Variants in ZNF441 observed in about 807,000 individuals in gnomAD.
ZNF441 encodes the protein zinc finger protein 441.
Under a neutral mutation model 64.5 loss-of-function variants are expected in ZNF441, and 25 were observed. The observed-to-expected ratio is 0.39, with a 90% confidence interval of 0.28 to 0.54. The LOEUF is 0.54. Among genes scored for constraint, ZNF441 ranks in the 20% least tolerant of loss-of-function variants. ZNF441 has a pLI of 0.70. For synonymous variants in ZNF441, 262 were observed against 268.0 expected, an observed-to-expected ratio of 0.98 and a Z score of 0.22; for missense variants, 715 against 843.3, an observed-to-expected ratio of 0.85 and a Z score of 1.88.
At chr19:11,779,924 AAAAG>A (rs1176698404) in intron 3 of ZNF441, 91 bp from the exon 4 acceptor site, 17 of 1,161,362 alleles carry the variant, frequency 1.5e-5, no homozygotes, top group African/African-American at 3.1e-5. Flanking sequence ...AAAAAAAAAG[AAAAG>A]AAAGAAAGAA....
chr19:11,769,050 G>A (rs1975293036), intron 1 of ZNF441, among the ~76,000 whole-genome samples: 1 of 152,160 alleles, frequency 6.6e-6, no homozygotes, highest in South Asian at 2.1e-4. Context: ...GACACACTCT[G>A]CACCCATAGG....
intron 1 of ZNF441, among the ~76,000 whole-genome samples, chr19:11,770,045 T>C (rs1358928817): frequency 6.6e-6 from 1 of 152,136 alleles, no homozygotes; most frequent in Non-Finnish European, 1.5e-5. Flanking sequence ...ATGTCTGTAA[T>C]GTCTGTCTAG....
rs764005247 is a variant in ZNF441, at chr19:11,780,675, A to G, written c.851A>G (p.Gln284Arg). 5.0e-6 allele frequency: 8 copies of G among 1,614,180 alleles called. No individual in the cohort carries two copies. The Admixed American group carries it at 5.0e-5, about 10-fold the overall frequency. ...GGAGAACAATCCTATGAATGTAAGC[A>G]ATGTGGGAAAGCATTTTATCATCTT... The part of the protein sequence containing the change: ...HTGEQSYECK[Q>R]CGKAFYHLGS... The change falls in exon 4 of 4, where the codon CAA (glutamine) becomes CGA (arginine). Residue 284 changes from glutamine to arginine, a missense_variant. Gln to Arg is a conservative substitution (Grantham distance 43). Coordinates refer to ENST00000357901, the MANE Select transcript of ZNF441 (RefSeq NM_152355.3).
chr19:11,768,534 A>G (rs900938722), intron 1 of ZNF441, among the ~76,000 whole-genome samples: 6 of 152,148 alleles, frequency 3.9e-5, no homozygotes, highest in Admixed American at 2.0e-4. Flanking sequence ...CCCATCCTCT[A>G]TGGTTTCCTG....
intron 1 of ZNF441, among the ~76,000 whole-genome samples, chr19:11,774,843 T>G (rs1212675800): frequency 6.6e-6 from 1 of 152,232 alleles, no homozygotes; most frequent in Non-Finnish European, 1.5e-5. Context: ...TTTATGGATT[T>G]TTTGTGTTGT....
At chr19:11,777,252 A>G (rs140637033) in intron 1 of ZNF441, among the ~76,000 whole-genome samples, 2,118 of 152,004 alleles carry the variant, frequency 0.014, 23 homozygotes, top group Non-Finnish European at 0.022. Context: ...GCATCTGGTG[A>G]GAGCCTTCTT....
rs1975365140 is a variant in ZNF441 at position 11,777,594 on chromosome 19, C to T, written c.4-17C>T. The T allele has an allele frequency of 2.5e-6, 4 of 1,607,520 alleles. No individual in the cohort carries two copies. The highest frequency in any genetic ancestry group is 2.5e-6 in the Non-Finnish European group (3 of 1,176,740). On this transcript the variant is annotated splice_polypyrimidine_tract_variant and intron_variant, in intron 1 of 3. Coordinates refer to ENST00000357901, the MANE Select transcript of ZNF441 (RefSeq NM_152355.3). ...TCAGTTTTAATATTCCTCCTCTGCA[C>T]ATGTGAAATATTTCAGGACTCAGTG...
rs1360561024 is a variant in ZNF441, at chr19:11,783,068, A to C, written c.*1162A>C. ...TATGCGACAAGGGACTAATATCCAA[A>C]TATACAAGGAACTCAAACATCTCAA... On this transcript the variant is annotated 3_prime_UTR_variant, in exon 4 of 4. Coordinates refer to ENST00000357901, the MANE Select transcript of ZNF441 (RefSeq NM_152355.3). 6.6e-6 allele frequency: 1 copy of C among 152,200 alleles called. No homozygotes were observed. Among genetic ancestry groups the C allele is most frequent in the East Asian group, 1.9e-4 (1 of 5,198 alleles). 9.4% of individuals were successfully genotyped at this position (152,200 alleles called of 1,614,324 possible). A position where few individuals can be genotyped will look rare whatever the true frequency, so the allele number is the denominator to read the frequency against.
At chr19:11,768,397 AT>A (rs1975287496) in intron 1 of ZNF441, among the ~76,000 whole-genome samples, 1 of 152,246 alleles carries the variant, frequency 6.6e-6, no homozygotes, top group Non-Finnish European at 1.5e-5. Flanking sequence ...TGTAAAAAAA[AT>A]GAATATTAAT....
rs1243708704 is a variant in ZNF441, at chr19:11,783,249, T to C, written c.*1343T>C. On this transcript the variant is annotated 3_prime_UTR_variant, in exon 4 of 4. Coordinates refer to ENST00000357901, the MANE Select transcript of ZNF441 (RefSeq NM_152355.3). ...AAATTGAAACCACAATGAGATACTC[T>C]ACTTAGAATTGTTCTTACTAAAAAA... The C allele has an allele frequency of 6.6e-6, 1 of 152,186 alleles. No homozygotes were observed. The highest frequency in any genetic ancestry group is 1.5e-5 in the Non-Finnish European group (1 of 68,016). 9.4% of individuals were successfully genotyped at this position (152,186 alleles called of 1,614,324 possible).
rs780376513 is a variant in ZNF441, at chr19:11,777,691, C to T, written c.84C>T (p.Leu28=). Residue 28 remains leucine, a synonymous_variant, in exon 2 of 4, where the codon CTC becomes CTT. Transcript: ENST00000357901. ...TGCTGGGTCCATCACAGAAGAGTCT[C>T]TACAGAGATGTGATGCAGGAAACCA... ...WALLGPSQKS[L]YRDVMQETIR... 6.8e-6 allele frequency: 11 copies of T among 1,613,558 alleles called. No homozygotes were observed. The South Asian group carries it at 8.8e-5, about 13-fold the overall frequency.
chr19:11,778,360 A>G lies in ZNF441; in HGVS notation c.161A>G (p.Glu54Gly), dbSNP rs1476181923. 3 of 1,547,978 alleles carry G rather than the reference A, an allele frequency of 1.9e-6. No individual in the cohort carries two copies. The South Asian group carries it at 3.6e-5, about 19-fold the overall frequency. Residue 54 changes from glutamate to glycine, a missense_variant, in exon 3 of 4, where the codon GAA becomes GGA. This residue lies in a region of ZNF441 where 399 missense variants were observed against 413.9 expected (regional missense o/e 0.96). Coordinates refer to ENST00000357901, the MANE Select transcript of ZNF441 (RefSeq NM_152355.3). ...GMIWQNHDIE[E>G]DQYKDLRRNL... The stretch of plus-strand genomic sequence containing the variant: ...ATATGGCAAAATCATGATATAGAAG[A>G]AGATCAGTACAAAGATCTCAGAAGA...
At chr19:11,770,737 G>A (rs891680886) in intron 1 of ZNF441, among the ~76,000 whole-genome samples, 9 of 152,068 alleles carry the variant, frequency 5.9e-5, no homozygotes, top group African/African-American at 1.7e-4. Flanking sequence ...GGCTGGATGT[G>A]CCACCCCATC....
At chr19:11,770,101 A>T (rs1334058163) in intron 1 of ZNF441, among the ~76,000 whole-genome samples, 2 of 152,138 alleles carry the variant, frequency 1.3e-5, no homozygotes, top group Non-Finnish European at 2.9e-5. Flanking sequence ...ACACTGCTAT[A>T]AAGAACTACC....
Position 11,767,118 on chromosome 19 carries a change from G to A in ZNF441, c.-76G>A. 2 of 1,550,942 alleles carry A rather than the reference G, an allele frequency of 1.3e-6. No homozygotes were observed. Among genetic ancestry groups the A allele is most frequent in the Non-Finnish European group, 1.7e-6 (2 of 1,146,290 alleles). On this transcript the variant is annotated 5_prime_UTR_variant, in exon 1 of 4. Coordinates refer to ENST00000357901, the MANE Select transcript of ZNF441 (RefSeq NM_152355.3). This position sits in a 1 kb window ranked among gnomAD's most constrained non-coding sequence, Gnocchi z 5.1. ...CTGAGAGACGCCCTGGAACGTCTGTGGCAGCTTCTGTCTCGCTGGGACCCG... is the reference window on the plus strand; with the variant it reads ...CTGAGAGACGCCCTGGAACGTCTGTAGCAGCTTCTGTCTCGCTGGGACCCG...
intron 1 of ZNF441, among the ~76,000 whole-genome samples, chr19:11,774,457 A>T (rs1011950902): frequency 6.6e-6 from 1 of 152,074 alleles, no homozygotes; most frequent in Non-Finnish European, 1.5e-5. Context: ...TATCAATTTC[A>T]TTCCTTTTTT....
At chr19:11,778,197 G>C in intron 2 of ZNF441, 133 bp from the exon 3 acceptor site, 1 of 684,096 alleles carries the variant, frequency 1.5e-6, no homozygotes, top group Non-Finnish European at 2.5e-6. Flanking sequence ...GACCTGTGCA[G>C]TTCAAACCTG....
rs1975392937 is a variant in ZNF441, at chr19:11,780,549, A to G, written c.725A>G (p.His242Arg). The G allele has an allele frequency of 2.5e-6, 4 of 1,614,082 alleles. No individual in the cohort carries two copies. In the South Asian group the frequency reaches 3.3e-5, roughly 13 times the overall value. The change falls in exon 4 of 4, where the codon CAT becomes CGT. Residue 242 changes from histidine (H) to arginine (R), a missense_variant. Transcript: ENST00000357901. ...CCTGCTTATAGTTCCACTCTAAGACATGAAAGAACACACAGTGGAGAGAAA... is the reference window on the plus strand; with the variant it reads ...CCTGCTTATAGTTCCACTCTAAGACGTGAAAGAACACACAGTGGAGAGAAA... The part of the protein sequence containing the change: ...AFPAYSSTLR[H>R]ERTHSGEKPY...
rs908768367 is a variant in ZNF441 at position 11,781,136 on chromosome 19, G to C, written c.1312G>C (p.Glu438Gln). 3 of 1,613,934 alleles carry C rather than the reference G, an allele frequency of 1.9e-6. No individual in the cohort carries two copies. Among genetic ancestry groups the C allele is most frequent in the Admixed American group, 3.3e-5 (2 of 60,004 alleles). The change falls in exon 4 of 4, where the codon GAA (glutamate) becomes CAA (glutamine). Residue 438 changes from glutamate to glutamine, a missense_variant. By Grantham distance (29) the Glu-to-Gln change is conservative (BLOSUM62 2). Around this residue, in one of 2 missense-constraint regions of ZNF441, gnomAD observed 316 missense variants for 429.3 expected, o/e 0.74. Coordinates refer to ENST00000357901, the MANE Select transcript of ZNF441 (RefSeq NM_152355.3). ...TTGTTGCACTTACCTTCAAATACAT[G>C]AAAGAATTCACACTGGGGAGAGACC... ...FICCTYLQIH[E>Q]RIHTGERPYK...
Sources: gnomAD v4.1 joint callset for allele counts (sites outside exome capture counted in the v4.1 genomes callset) on GRCh38, gnomAD v4.1.1 for gene constraint, gnomAD v4.1.1 regional missense constraint, Gnocchi (gnomAD v3.1) non-coding constraint, MANE v1.5 for transcripts, NCBI Gene and HGNC (gene_info 2026-07-23, HGNC 2026-07-21) for gene names.